Variants in KCNG3 observed in about 807,000 individuals in gnomAD.
KCNG3 encodes potassium voltage-gated channel modifier subfamily G member 3, also known as voltage-gated potassium channel regulatory subunit KCNG3.
In KCNG3, 15 loss-of-function variants were observed where a neutral mutation model predicts 29.0. That is an observed-to-expected ratio of 0.52 (90% CI 0.35 to 0.80). The LOEUF (loss-of-function observed/expected upper bound fraction) is 0.80, where lower values mean the gene tolerates loss of function less well. Ranked by LOEUF, KCNG3 falls within the 30% of genes least tolerant of loss-of-function variation. The probability of loss-of-function intolerance (pLI) is 0.01; values close to 1 mark genes in which losing one functional copy is unlikely to be tolerated. For synonymous variants in KCNG3, 322 were observed against 248.9 expected (o/e 1.29, Z -2.76); for missense variants, 512 against 605.7 (o/e 0.85, Z 1.62).
chr2:42,452,243 A>ATATATATATATATATATTTT, intron 1 of KCNG3, among the ~76,000 whole-genome samples: 97 of 95,016 alleles, frequency 1.0e-3, no homozygotes, highest in East Asian at 4.1e-3. Flanking sequence ...ATATATATAT[A>ATATATATATATATATATTTT]TTTTTTTTTT....
the KCNG3 span, among the ~76,000 whole-genome samples, chr2:42,389,526 C>T: frequency 6.6e-6 from 1 of 152,084 alleles, no homozygotes; most frequent in Non-Finnish European, 1.5e-5. Flanking sequence ...CCAGTAGTAA[C>T]AAATAAAAAT....
At chr2:42,447,235 T>C (rs1672621458) in intron 1 of KCNG3, among the ~76,000 whole-genome samples, 1 of 151,822 alleles carries the variant, frequency 6.6e-6, no homozygotes, top group Non-Finnish European at 1.5e-5. Context: ...CAAACAAAAA[T>C]TTTTACTTAC....
intron 1 of KCNG3, among the ~76,000 whole-genome samples, chr2:42,473,228 A>G (rs2103712528): frequency 6.6e-6 from 1 of 152,050 alleles, no homozygotes; most frequent in Non-Finnish European, 1.5e-5. Flanking sequence ...TATTTCTTTA[A>G]TTGGGTAGTG....
At chr2:42,487,132 G>A (rs1673744796) in intron 1 of KCNG3, among the ~76,000 whole-genome samples, 2 of 148,016 alleles carry the variant, frequency 1.4e-5, no homozygotes, top group Admixed American at 1.4e-4. Context: ...ACTCCAGCCT[G>A]GGTGACAGAG....
chr2:42,417,970 T>TAAAAAATAAAAA, the KCNG3 span, among the ~76,000 whole-genome samples: 3 of 150,768 alleles, frequency 2.0e-5, no homozygotes, highest in African/African-American at 7.3e-5. Context: ...AGACTCCATC[T>TAAAAAATAAAAA]CAAAAAATAA....
intron 1 of KCNG3, among the ~76,000 whole-genome samples, chr2:42,483,152 AT>A (rs913089956): frequency 6.6e-6 from 1 of 152,024 alleles, no homozygotes; most frequent in African/African-American, 2.4e-5. Flanking sequence ...CAGCTGTTCT[AT>A]TTTTTTAATT....
intron 1 of KCNG3, among the ~76,000 whole-genome samples, chr2:42,462,334 C>G (rs1010976128): frequency 3.3e-5 from 5 of 152,190 alleles, no homozygotes; most frequent in Admixed American, 6.5e-5. Context: ...AGCTATCACA[C>G]CCTGCAGACC....
At chr2:42,471,178 GTGTGTGTATA>G (rs1673278903) in intron 1 of KCNG3, among the ~76,000 whole-genome samples, 1 of 150,826 alleles carries the variant, frequency 6.6e-6, no homozygotes, top group Non-Finnish European at 1.5e-5. Flanking sequence ...GTGTGTGTGT[GTGTGTGTATA>G]TATATATATA....
downstream of KCNG3, among the ~76,000 whole-genome samples, chr2:42,437,250 G>C (rs1216705895): frequency 6.6e-6 from 1 of 151,968 alleles, no homozygotes; most frequent in Non-Finnish European, 1.5e-5. Flanking sequence ...TTTTAAACAG[G>C]GTTAACTGGG....
rs755759009 is a variant in KCNG3 at position 42,492,835 on chromosome 2, A to T, written c.665+2T>A. 6.7e-7 allele frequency: 1 copy of T among 1,491,602 alleles called. No individual in the cohort carries two copies. Among genetic ancestry groups the T allele is most frequent in the Non-Finnish European group, 8.9e-7 (1 of 1,124,338 alleles). 92.4% of individuals were successfully genotyped at this position (1,491,602 alleles called of 1,614,324 possible). A position where few individuals can be genotyped will look rare whatever the true frequency, so the allele number is the denominator to read the frequency against. The stretch of plus-strand genomic sequence containing the variant: ...GACGGGTAGAGAAGCAGTGCGTCCT[A>T]CCCGGAGGGCTCCCTCCCAGGGCCG... On this transcript the variant is annotated splice_donor_variant, in intron 1 of 1. Coordinates refer to ENST00000306078, the MANE Select transcript of KCNG3 (RefSeq NM_133329.6). LOFTEE classifies it high-confidence loss of function.
downstream of KCNG3, among the ~76,000 whole-genome samples, chr2:42,441,639 A>G (rs191878822): frequency 2.9e-5 from 2 of 69,900 alleles, no homozygotes; most frequent in East Asian, 6.7e-4. Context: ...ATCACCAACA[A>G]GAGATTTCAC....
chr2:42,414,276 G>T, the KCNG3 span, among the ~76,000 whole-genome samples: 755 of 152,124 alleles, frequency 5.0e-3, 5 homozygotes, highest in African/African-American at 0.017. Flanking sequence ...AGTTCTTTTG[G>T]TCCTTGTGTG....
intron 1 of KCNG3, among the ~76,000 whole-genome samples, chr2:42,472,890 GAT>G (rs35812622): frequency 2.3e-4 from 29 of 124,152 alleles, no homozygotes; most frequent in East Asian, 1.5e-3. Flanking sequence ...TCTATCGATA[GAT>G]ATATATATAT....
intron 1 of KCNG3, among the ~76,000 whole-genome samples, chr2:42,452,033 C>G (rs1412938231): frequency 5.3e-5 from 8 of 151,886 alleles, no homozygotes; most frequent in African/African-American, 1.9e-4. Context: ...CAAAGAACTC[C>G]TGCAACTCAG....
chr2:42,455,838 T>C (rs1672862893), intron 1 of KCNG3, among the ~76,000 whole-genome samples: 1 of 151,322 alleles, frequency 6.6e-6, no homozygotes, highest in East Asian at 1.9e-4. Flanking sequence ...TGAATCTGAA[T>C]AGCTGACTTG....
chr2:42,449,717 C>T (rs1672702251), intron 1 of KCNG3, among the ~76,000 whole-genome samples: 1 of 152,022 alleles, frequency 6.6e-6, no homozygotes, highest in South Asian at 2.1e-4. Flanking sequence ...TCCCAGAGTG[C>T]TGGAATTAAA....
chr2:42,483,608 T>C (rs986291535), intron 1 of KCNG3, among the ~76,000 whole-genome samples: 5 of 152,184 alleles, frequency 3.3e-5, no homozygotes, highest in African/African-American at 4.8e-5. Context: ...TTCATAGGAC[T>C]GTAATGAGAC....
intron 1 of KCNG3, among the ~76,000 whole-genome samples, chr2:42,490,104 C>T (rs902713079): frequency 6.6e-6 from 1 of 152,210 alleles, no homozygotes; most frequent in Non-Finnish European, 1.5e-5. Context: ...GAATTCAAGG[C>T]CTTCTGTCAT....
chr2:42,471,178 GTGTGTGTA>G (rs1673278849), intron 1 of KCNG3, among the ~76,000 whole-genome samples: 2 of 150,940 alleles, frequency 1.3e-5, no homozygotes, highest in African/African-American at 2.5e-5. Context: ...GTGTGTGTGT[GTGTGTGTA>G]TATATATATA....
Sources: gnomAD v4.1 joint callset for allele counts (sites outside exome capture counted in the v4.1 genomes callset) on GRCh38, gnomAD v4.1.1 for gene constraint, MANE v1.5 for transcripts, NCBI Gene and HGNC (gene_info 2026-07-23, HGNC 2026-07-21) for gene names.